ING4: variants seen among roughly 807,000 people sequenced by gnomAD.
ING4 encodes the protein inhibitor of growth family member 4, also known as inhibitor of growth protein 4.
A neutral mutation model predicts 33.1 loss-of-function variants in ING4; 28 were observed. The ratio of observed to expected loss-of-function variants is 0.85; its 90% CI spans 0.63 to 1.16. ING4 has a LOEUF of 1.16. ING4 is among the 50% of genes most tolerant of loss of function. The pLI is 0.00. For synonymous variants in ING4, 87 were observed against 104.4 expected (o/e 0.83, Z 1.02); for missense variants, 247 against 314.7 (o/e 0.78, Z 1.63).
Position 6,652,750 on chromosome 12 carries a change from TCTC to T in ING4, c.406_408del (p.Glu136del). The T allele has an allele frequency of 1.2e-6, 2 of 1,613,966 alleles. No homozygotes were observed. Among genetic ancestry groups the T allele is most frequent in the East Asian group, 2.2e-5 (1 of 44,880 alleles). On this transcript the variant is annotated inframe_deletion, in exon 5 of 8. Coordinates refer to ENST00000341550, the MANE Select transcript of ING4 (RefSeq NM_016162.4). Reference sequence around the variant, plus strand: ...TTGGAACGAGCACGAGCAGCTTTCTTCTCCTTTTGAGTCCGGCCTTCTAGGGAA... The same window carrying T: ...TTGGAACGAGCACGAGCAGCTTTCTTCTTTTGAGTCCGGCCTTCTAGGGAA...
Position 6,652,372 on chromosome 12 carries a change from G to A in ING4, c.544C>T (p.Pro182Ser). The change falls in exon 6 of 8, where the codon CCC becomes TCC. Residue 182 changes from proline (P) to serine (S), a missense_variant. This residue lies in a region of ING4 where 11 missense variants were observed against 43.8 expected (regional missense o/e 0.25). Transcript: ENST00000341550. ...ACAGGCATATCCAACACATCAGAGG[G>A]GTGGACACTGCCAAAGGTCACTGAG... is the stretch of plus-strand genomic sequence containing the variant. ...MPSVTFGSVH[P>S]SDVLDMPVDP... 1.2e-6 allele frequency: 2 copies of A among 1,614,122 alleles called. 1 individual carries two copies. The highest frequency in any genetic ancestry group is 2.2e-5 in the South Asian group (2 of 91,076).
Position 6,663,071 on chromosome 12 carries a change from G to A in ING4, c.31C>T (p.Leu11=). The change falls in exon 1 of 8, where the codon CTG becomes TTG. Residue 11 remains leucine (L), a synonymous_variant. Transcript: ENST00000341550. ...ACCTCCAGCCTGCTCTTACTGTCCA[G>A]ATAATGTTCCAAATACATCCCCGCA... MAAGMYLEHY[L]DSIENLPFEL... is the part of the protein sequence containing the mutation. 6.2e-7 allele frequency: 1 copy of A among 1,614,114 alleles called. No homozygotes were observed. The highest frequency in any genetic ancestry group is 8.5e-7 in the Non-Finnish European group (1 of 1,180,014).
chr12:6,654,702 T>C (rs1003999736), intron 2 of ING4, among the ~76,000 whole-genome samples: 1 of 152,014 alleles, frequency 6.6e-6, no homozygotes, highest in Non-Finnish European at 1.5e-5. Context: ...TTTTCCTGTT[T>C]GTCCATCCTA....
chr12:6,659,675 T>A (rs1005100522), intron 1 of ING4, among the ~76,000 whole-genome samples: 6 of 150,868 alleles, frequency 4.0e-5, no homozygotes, highest in Non-Finnish European at 8.8e-5. Context: ...TAGCTGGCCG[T>A]GGTGGCGGGC....
intron 1 of ING4, among the ~76,000 whole-genome samples, chr12:6,662,620 A>T (rs1230344999): frequency 6.6e-6 from 1 of 152,216 alleles, no homozygotes; most frequent in Non-Finnish European, 1.5e-5. Context: ...CTAGTTCATC[A>T]TCTGACAGTG....
At chr12:6,655,499 G>T in intron 2 of ING4, 1 of 532,884 alleles carries the variant, frequency 1.9e-6, no homozygotes, top group Non-Finnish European at 2.5e-6. Flanking sequence ...GATCTGTGAA[G>T]ACACTGTTTA....
In ING4 at chr12:6,650,828, G is replaced by C. The variant is rs114082659; in HGVS notation, c.*367C>G. On this transcript the variant is annotated 3_prime_UTR_variant, in exon 8 of 8. Transcript: ENST00000341550. ...CTCACCACAGGAGGGGGAATGAAGA[G>C]GTCTGGGGGACTGCCCCCATGCTAT... 3.6e-3 allele frequency: 1,106 copies of C among 308,252 alleles called. 10 individuals are homozygous for C. Among genetic ancestry groups the C allele is most frequent in the African/African-American group, 0.022 (1,036 of 47,352 alleles). 19.1% of individuals were successfully genotyped at this position (308,252 alleles called of 1,614,324 possible). A position where few individuals can be genotyped will look rare whatever the true frequency, so the allele number is the denominator to read the frequency against.
Position 6,660,015 on chromosome 12 carries a change from C to T in ING4, c.37+3050G>A, listed in dbSNP as rs12300751. 2.7e-3 allele frequency among the ~76,000 whole-genome samples: 412 copies of T among 152,290 alleles called. 3 individuals are homozygous for T. The highest frequency in any genetic ancestry group is 9.3e-3 in the African/African-American group (388 of 41,566). ...TTGGTATCTGTCTCCCCAGGCCGAA[C>T]ATGGCTATCATATTCTCTCCTGTTT... On this transcript the variant is annotated intron_variant, in intron 1 of 7. Transcript: ENST00000341550.
Position 6,653,358 on chromosome 12 carries a change from T to A in ING4, c.148A>T (p.Met50Leu), listed in dbSNP as rs1949246598. Residue 50 changes from methionine to leucine, a missense_variant, in exon 3 of 8, where the codon ATG becomes TTG. Coordinates refer to ENST00000341550, the MANE Select transcript of ING4 (RefSeq NM_016162.4). Reference sequence around the variant, plus strand: ...GAGCTCAGGCTGCGGGCACTACTCATATACTCAGTGGCCAACTTGTCAATT... The same window carrying A: ...GAGCTCAGGCTGCGGGCACTACTCAAATACTCAGTGGCCAACTTGTCAATT... Reference protein sequence around the residue: ...AEIDKLATEYMSSARSLSSEE... With the variant: ...AEIDKLATEYLSSARSLSSEE... 6.2e-7 allele frequency: 1 copy of A among 1,614,178 alleles called. No homozygotes were observed. The highest frequency in any genetic ancestry group is 8.5e-7 in the Non-Finnish European group (1 of 1,180,036).
At chr12:6,653,570 T>C (rs988378551) in intron 2 of ING4, among the ~76,000 whole-genome samples, 174 bp from the exon 3 acceptor site, 7 of 152,204 alleles carry the variant, frequency 4.6e-5, no homozygotes, top group African/African-American at 1.7e-4. Context: ...ATACTGACAA[T>C]ATTTGCTTTA....
At chr12:6,657,373 T>TG (rs1201811351) in intron 1 of ING4, among the ~76,000 whole-genome samples, 2 of 150,752 alleles carry the variant, frequency 1.3e-5, no homozygotes, top group African/African-American at 4.9e-5. Flanking sequence ...GGCATGAACC[T>TG]GGGAGGCGGA....
intron 1 of ING4, among the ~76,000 whole-genome samples, chr12:6,658,964 T>C (rs549713893): frequency 1.3e-5 from 2 of 152,332 alleles, no homozygotes; most frequent in Non-Finnish European, 2.9e-5. Context: ...ACCGCTCGCT[T>C]TTCCTCATCC....
intron 4 of ING4, 52 bp from the exon 5 acceptor site, chr12:6,652,819 T>G (rs759307134): frequency 6.3e-7 from 1 of 1,582,956 alleles, no homozygotes; most frequent in Admixed American, 1.7e-5. Flanking sequence ...AAAGATGGGT[T>G]AAGTCCTCTT....
rs1404272819 is a variant in ING4 at position 6,651,027 on chromosome 12, G to T, written c.*168C>A. 13 of 737,216 alleles carry T rather than the reference G, an allele frequency of 1.8e-5. No homozygotes were observed. Among genetic ancestry groups the T allele is most frequent in the Middle Eastern group, 7.7e-4 (2 of 2,608 alleles). The allele number at this position is 737,216 out of a possible 1,614,324, so 45.7% of individuals were successfully genotyped here. On this transcript the variant is annotated 3_prime_UTR_variant, in exon 8 of 8. Coordinates refer to ENST00000341550, the MANE Select transcript of ING4 (RefSeq NM_016162.4). Reference sequence around the variant, plus strand: ...GGCTGCGGCACCCCTCCCTACCAGGGTCTGATGCAGCCTCAGCACCGGGAG... The same window carrying T: ...GGCTGCGGCACCCCTCCCTACCAGGTTCTGATGCAGCCTCAGCACCGGGAG...
At chr12:6,653,154 AAC>A in intron 3 of ING4, 74 bp downstream of exon 3, 1 of 1,599,446 alleles carries the variant, frequency 6.3e-7, no homozygotes, top group Non-Finnish European at 8.6e-7. Flanking sequence ...AACAGATCCC[AAC>A]ACAGTTGAAG....
At chr12:6,659,924 C>T (rs980215501) in intron 1 of ING4, among the ~76,000 whole-genome samples, 4 of 151,346 alleles carry the variant, frequency 2.6e-5, no homozygotes, top group Non-Finnish European at 5.9e-5. Context: ...GGTTGCAGCC[C>T]GGGCAAAAGA....
chr12:6,657,677 A>T (rs1949406127), intron 1 of ING4: 1 of 151,822 alleles, frequency 6.6e-6, no homozygotes, highest in Non-Finnish European at 1.5e-5. Context: ...CAAGCCTGTA[A>T]TCCCAGCACT....
chr12:6,655,408 A>G (rs540116312), intron 2 of ING4, among the ~76,000 whole-genome samples: 31 of 152,354 alleles, frequency 2.0e-4, no homozygotes, highest in African/African-American at 6.7e-4. Flanking sequence ...ATGTTTACTA[A>G]TATTTGGAAG....
At chr12:6,655,648 G>T in intron 2 of ING4, 1 of 1,134,848 alleles carries the variant, frequency 8.8e-7, no homozygotes, top group Non-Finnish European at 1.1e-6. Flanking sequence ...CATTCGGCAG[G>T]CAGTTCTCAG....
Sources: allele counts gnomAD v4.1 joint callset (sites outside exome capture counted in the v4.1 genomes callset), GRCh38; gene constraint gnomAD v4.1.1; regional missense constraint gnomAD v4.1.1; transcripts MANE v1.5; gene names NCBI Gene and HGNC (gene_info 2026-07-23, HGNC 2026-07-21).